Variants in MPP7 observed in about 807,000 individuals in gnomAD.
MPP7 encodes the protein MAGUK p55 subfamily member 7.
MPP7 carries 60 observed loss-of-function variants against 76.5 expected under a neutral mutation model. The ratio of observed to expected loss-of-function variants is 0.78; its 90% confidence interval spans 0.64 to 0.97. MPP7 has a LOEUF of 0.97. MPP7 is among the 50% of genes least tolerant of loss of function. The pLI is 0.00. For missense variants in MPP7, 641 were observed against 694.0 expected (o/e 0.92, Z 0.86); for synonymous variants, 237 against 244.5 (o/e 0.97, Z 0.29).
intron 3 of MPP7, among the ~76,000 whole-genome samples, chr10:28,183,492 A>C (rs1319894088): frequency 1.3e-5 from 2 of 152,218 alleles, no homozygotes; most frequent in Non-Finnish European, 2.9e-5. Flanking sequence ...AAGCCAGAAG[A>C]AAAGTTTATT....
intron 1 of MPP7, chr10:28,289,398 T>G (rs189852076): frequency 6.6e-6 from 1 of 152,250 alleles, no homozygotes; most frequent in East Asian, 1.9e-4. Context: ...CTCCTCTGGT[T>G]AACTCAAGAA....
rs5784042 is a variant in MPP7, at chr10:28,124,466, A to ATTTTTTTTTT, written c.530-360_530-351dup. On this transcript the variant is annotated intron_variant, in intron 7 of 16. Coordinates refer to ENST00000683449, the MANE Select transcript of MPP7 (RefSeq NM_001318170.2). ...AATTGAGAAATACAGAAGAAACAAG[A>ATTTTTTTTTT]TTTTTTTTTTTTTTTTTTTTTTTTT... 6.2e-5 allele frequency among the ~76,000 whole-genome samples: 5 copies of ATTTTTTTTTT among 80,082 alleles called. 2 individuals carry two copies. The highest frequency in any genetic ancestry group is 1.1e-3 in the South Asian group (2 of 1,840). The allele number at this position is 80,082 out of a possible 152,430, so 52.5% of individuals were successfully genotyped here.
chr10:28,186,674 C>T (rs1837248399), intron 3 of MPP7, among the ~76,000 whole-genome samples: 1 of 152,196 alleles, frequency 6.6e-6, no homozygotes, highest in Non-Finnish European at 1.5e-5. Flanking sequence ...CCTGTCATGG[C>T]ATTAAAGCCA....
Position 28,051,482 on chromosome 10 carries a change from C to A in MPP7, c.*2583G>T, listed in dbSNP as rs1317643129. On this transcript the variant is annotated 3_prime_UTR_variant, in exon 17 of 17. Coordinates refer to ENST00000683449, the MANE Select transcript of MPP7 (RefSeq NM_001318170.2). ...TTGACTACAGTCAATAATAGGAGTA[C>A]AGAATTTACTTTTTGGTCTTGATTT... 6.6e-6 allele frequency: 1 copy of A among 152,114 alleles called. No individual in the cohort carries two copies. The highest frequency in any genetic ancestry group is 1.5e-5 in the Non-Finnish European group (1 of 67,996). The allele number at this position is 152,114 out of a possible 1,614,324, so 9.4% of individuals were successfully genotyped here.
intron 1 of MPP7, among the ~76,000 whole-genome samples, chr10:28,254,004 GAAAAA>G (rs199511617): frequency 1.1e-5 from 1 of 92,318 alleles, no homozygotes; most frequent in Non-Finnish European, 2.1e-5. Context: ...TCACAAAAAA[GAAAAA>G]AAAAAAAAAA....
chr10:28,229,072 A>C (rs760738668), intron 2 of MPP7, among the ~76,000 whole-genome samples: 2 of 152,230 alleles, frequency 1.3e-5, no homozygotes, highest in Non-Finnish European at 2.9e-5. Context: ...ATCTTAAAAG[A>C]TTAACAGCTG....
At chr10:28,248,293 G>A (rs901433144) in intron 1 of MPP7, among the ~76,000 whole-genome samples, 1 of 152,082 alleles carries the variant, frequency 6.6e-6, no homozygotes, top group Non-Finnish European at 1.5e-5. Flanking sequence ...AACCTGGCTG[G>A]GAAAAACAGG....
chr10:28,174,643 C>A (rs1034498534), intron 3 of MPP7, among the ~76,000 whole-genome samples: 2 of 152,184 alleles, frequency 1.3e-5, no homozygotes, highest in African/African-American at 4.8e-5. Flanking sequence ...AGATACCCCG[C>A]AACTCCATTC....
At chr10:28,120,109 T>G in intron 10 of MPP7, 85 bp downstream of exon 10, 1 of 1,396,100 alleles carries the variant, frequency 7.2e-7, no homozygotes, top group Non-Finnish European at 9.7e-7. Flanking sequence ...TATAGCATAT[T>G]TTATCACATC....
At chr10:28,175,286 T>C (rs925861799) in intron 3 of MPP7, among the ~76,000 whole-genome samples, 2 of 147,908 alleles carry the variant, frequency 1.4e-5, no homozygotes, top group African/African-American at 2.5e-5. Flanking sequence ...TGAGATGTCG[T>C]CTCAAAAAAA....
At chr10:28,245,718 C>T (rs192655197) in intron 1 of MPP7, among the ~76,000 whole-genome samples, 4 of 150,874 alleles carry the variant, frequency 2.7e-5, no homozygotes, top group Non-Finnish European at 4.4e-5. Context: ...TACAGTGGTG[C>T]GATCTCGGCT....
At chr10:28,323,374 G>C (rs922602948) in intron 2 of MPP7, among the ~76,000 whole-genome samples, 1 of 151,896 alleles carries the variant, frequency 6.6e-6, no homozygotes, top group African/African-American at 2.4e-5. Context: ...GATCAATTGA[G>C]CCTAGGAGTT....
chr10:28,301,509 C>T (rs188866952), intron 1 of MPP7, among the ~76,000 whole-genome samples: 1 of 152,334 alleles, frequency 6.6e-6, no homozygotes, highest in Admixed American at 6.5e-5. Flanking sequence ...AAATAACCAT[C>T]TCCACCTCTG....
chr10:28,180,068 C>A (rs1180188332), intron 3 of MPP7, among the ~76,000 whole-genome samples: 3 of 152,084 alleles, frequency 2.0e-5, no homozygotes, highest in Non-Finnish European at 4.4e-5. Context: ...TTGATACACT[C>A]AAGCCTTTCA....
intron 12 of MPP7, among the ~76,000 whole-genome samples, chr10:28,084,615 GTATA>G (rs1041208138): frequency 5.3e-5 from 8 of 152,260 alleles, no homozygotes; most frequent in African/African-American, 1.9e-4. Flanking sequence ...TCCTCCCTCT[GTATA>G]TTCTCCAAGA....
At chr10:28,120,435 A>C (rs1175154599) in intron 9 of MPP7, 45 bp from the exon 10 acceptor site, 11 of 1,563,816 alleles carry the variant, frequency 7.0e-6, no homozygotes, top group Non-Finnish European at 9.6e-6. Context: ...TAAAAAATAA[A>C]TGTGAAATGG....
intron 1 of MPP7, among the ~76,000 whole-genome samples, chr10:28,256,715 A>G (rs1168330654): frequency 1.3e-5 from 2 of 152,234 alleles, no homozygotes; most frequent in African/African-American, 4.8e-5. Context: ...CATACATTCT[A>G]TTAATTTTTT....
chr10:28,215,395 A>G (rs550562876), intron 2 of MPP7, among the ~76,000 whole-genome samples: 2 of 152,300 alleles, frequency 1.3e-5, no homozygotes, highest in African/African-American at 4.8e-5. Context: ...TAGCAGCCAG[A>G]TATCGATAAT....
At chr10:28,211,201 G>A (rs758315456) in intron 2 of MPP7, among the ~76,000 whole-genome samples, 23 of 151,962 alleles carry the variant, frequency 1.5e-4, no homozygotes, top group Non-Finnish European at 2.9e-4. Flanking sequence ...TGGGCTCAAA[G>A]GACCGTCTCA....
Sources: gnomAD v4.1 joint callset for allele counts (sites outside exome capture counted in the v4.1 genomes callset) on GRCh38, gnomAD v4.1.1 for gene constraint, MANE v1.5 for transcripts, NCBI Gene and HGNC (gene_info 2026-07-23, HGNC 2026-07-21) for gene names.